Variants in CYSLTR2 observed in about 807,000 individuals in gnomAD.
The protein encoded by CYSLTR2 is G-protein coupled receptor GPCR21.
For synonymous variants in CYSLTR2, 179 were observed against 160.8 expected, an observed-to-expected ratio of 1.11 and a Z score of -0.86; for missense variants, 398 against 411.9, an observed-to-expected ratio of 0.97 and a Z score of 0.29.
At chr13:48,696,877 C>G (rs1057340216) in intron 4 of CYSLTR2, among the ~76,000 whole-genome samples, 2 of 151,824 alleles carry the variant, frequency 1.3e-5, no homozygotes, top group South Asian at 4.1e-4. Flanking sequence ...ACGCCCGGCT[C>G]GGAGGGTCCC....
At chr13:48,677,313 G>A (rs1281617891) in intron 1 of CYSLTR2, among the ~76,000 whole-genome samples, 1 of 152,158 alleles carries the variant, frequency 6.6e-6, no homozygotes, top group Non-Finnish European at 1.5e-5. Context: ...AAGGCATATT[G>A]CTGTAGATTA....
chr13:48,662,625 TTCATA>T (rs1295200199), intron 1 of CYSLTR2, among the ~76,000 whole-genome samples: 1 of 152,212 alleles, frequency 6.6e-6, no homozygotes, highest in Non-Finnish European at 1.5e-5. Context: ...TGAACATTTT[TTCATA>T]TACCTGTTGA....
intron 1 of CYSLTR2, among the ~76,000 whole-genome samples, chr13:48,683,508 T>G (rs1459427600): frequency 6.6e-6 from 1 of 152,210 alleles, no homozygotes; most frequent in Non-Finnish European, 1.5e-5. Context: ...TTTCATATGT[T>G]TATTGGCCAC....
rs1566109275 is a variant in CYSLTR2, at chr13:48,707,021, G to T, written c.204G>T (p.Lys68Asn). 3.7e-6 allele frequency: 6 copies of T among 1,614,022 alleles called. No homozygotes were observed. The highest frequency in any genetic ancestry group is 4.2e-6 in the Non-Finnish European group (5 of 1,180,036). Residue 68 changes from lysine to asparagine, a missense_variant, in exon 5 of 5, where the codon AAG (lysine) becomes AAT (asparagine). Lys to Asn is a moderately conservative substitution (Grantham distance 94, BLOSUM62 0). Coordinates refer to ENST00000682523, the MANE Select transcript of CYSLTR2 (RefSeq NM_001308476.3). ...TATATGTTTTCCTGCAGCCTTATAAGAAGTCCACATCTGTGAACGTTTTCA... is the reference window on the plus strand; with the variant it reads ...TATATGTTTTCCTGCAGCCTTATAATAAGTCCACATCTGTGAACGTTTTCA... ...LSIYVFLQPY[K>N]KSTSVNVFML...
Position 48,707,585 on chromosome 13 carries a change from C to A in CYSLTR2, c.768C>A (p.Phe256Leu). ...LTTIIITLII[F>L]FLCFLPYHTL... ...CCATCATCATCACCTTGATCATCTT[C>A]TTCTTGTGTTTCCTGCCCTATCACA... Residue 256 changes from phenylalanine (F) to leucine (L), a missense_variant, in exon 5 of 5, where the codon TTC (phenylalanine) becomes TTA (leucine). By Grantham distance (22) the Phe-to-Leu change is conservative. Coordinates refer to ENST00000682523, the MANE Select transcript of CYSLTR2 (RefSeq NM_001308476.3). 1 of 1,610,020 alleles carries A rather than the reference C, an allele frequency of 6.2e-7. No individual in the cohort carries two copies. The highest frequency in any genetic ancestry group is 1.6e-4 in the Middle Eastern group (1 of 6,062).
intron 1 of CYSLTR2, among the ~76,000 whole-genome samples, chr13:48,663,395 T>C (rs1222276953): frequency 6.6e-6 from 1 of 152,184 alleles, no homozygotes; most frequent in Non-Finnish European, 1.5e-5. Flanking sequence ...GGTATTTTGA[T>C]AGGAATTGCA....
intron 1 of CYSLTR2, among the ~76,000 whole-genome samples, chr13:48,675,914 C>T (rs1192084227): frequency 6.6e-6 from 1 of 152,312 alleles, no homozygotes; most frequent in East Asian, 1.9e-4. Flanking sequence ...GTTCCTCAAC[C>T]CCTTGCACTT....
Position 48,710,519 on chromosome 13 carries a change from TA to T in CYSLTR2, c.*2664del, listed in dbSNP as rs1444716909. The T allele has an allele frequency of 1.3e-5, 2 of 152,166 alleles. No homozygotes were observed. Among genetic ancestry groups the T allele is most frequent in the African/African-American group, 4.8e-5 (2 of 41,438 alleles). 9.4% of individuals were successfully genotyped at this position (152,166 alleles called of 1,614,324 possible). A position where few individuals can be genotyped will look rare whatever the true frequency, so the allele number is the denominator to read the frequency against. ...AATAAGATACACCAAAGAGAAGCTG[TA>T]AAGTGCTTCCTCTAACAGAAAATGT... On this transcript the variant is annotated 3_prime_UTR_variant, in exon 5 of 5. Coordinates refer to ENST00000682523, the MANE Select transcript of CYSLTR2 (RefSeq NM_001308476.3).
intron 1 of CYSLTR2, among the ~76,000 whole-genome samples, chr13:48,670,173 A>T (rs1953384819): frequency 2.0e-5 from 3 of 152,152 alleles, no homozygotes; most frequent in African/African-American, 7.2e-5. Flanking sequence ...GATTCTGGAT[A>T]TTAGCCCTTT....
At chr13:48,701,070 A>G (rs921876771) in intron 4 of CYSLTR2, among the ~76,000 whole-genome samples, 1 of 152,236 alleles carries the variant, frequency 6.6e-6, no homozygotes, top group Non-Finnish European at 1.5e-5. Context: ...AAGGTAATTT[A>G]TAGATCAATG....
At position 48,658,100 on chromosome 13, in the gene CYSLTR2, A is replaced by G. The variant is rs116487681; in HGVS notation, c.-266+4083A>G. The stretch of plus-strand genomic sequence containing the variant: ...ATGAAGGTGACTCCCTTTTAGTTGT[A>G]AGAGGCACAAATCCCTATTGGGAAC... On this transcript the variant is annotated intron_variant, in intron 1 of 4. Coordinates refer to ENST00000682523, the MANE Select transcript of CYSLTR2 (RefSeq NM_001308476.3). 5.8e-3 allele frequency among the ~76,000 whole-genome samples: 880 copies of G among 152,226 alleles called. 8 individuals are homozygous for G. The highest frequency in any genetic ancestry group is 0.02 in the African/African-American group (827 of 41,540).
intron 1 of CYSLTR2, among the ~76,000 whole-genome samples, chr13:48,676,600 A>T (rs1593965556): frequency 6.6e-6 from 1 of 152,344 alleles, no homozygotes; most frequent in South Asian, 2.1e-4. Flanking sequence ...AGAAGAGAAA[A>T]GAATTAAAGA....
chr13:48,707,156 T>A lies in CYSLTR2; in HGVS notation c.339T>A (p.Ile113=). 1 of 1,614,226 alleles carries A rather than the reference T, an allele frequency of 6.2e-7. No individual in the cohort carries two copies. The highest frequency in any genetic ancestry group is 8.5e-7 in the Non-Finnish European group (1 of 1,180,036). The change falls in exon 5 of 5, where the codon ATT becomes ATA. Residue 113 remains isoleucine (I), a synonymous_variant. Transcript: ENST00000682523. ...NWIFGDLACR[I]MSYSLYVNMY... ...TATTTGGAGACCTGGCCTGCAGGAT[T>A]ATGTCTTATTCCTTGTATGTCAACA...
At chr13:48,691,624 G>T (rs867506358) in intron 2 of CYSLTR2, among the ~76,000 whole-genome samples, 8 of 151,988 alleles carry the variant, frequency 5.3e-5, no homozygotes, top group South Asian at 2.1e-4. Context: ...TAGATTTTTT[G>T]ATGAGTCCCA....
intron 1 of CYSLTR2, among the ~76,000 whole-genome samples, chr13:48,681,911 A>G (rs1953765885): frequency 6.6e-6 from 1 of 152,174 alleles, no homozygotes; most frequent in Non-Finnish European, 1.5e-5. Flanking sequence ...TTAAACTGTA[A>G]GCTTTCCCTA....
At chr13:48,688,248 G>T (rs1197391843) in intron 1 of CYSLTR2, among the ~76,000 whole-genome samples, 1 of 152,066 alleles carries the variant, frequency 6.6e-6, no homozygotes, top group Admixed American at 6.5e-5. Context: ...GGTTCTTGTA[G>T]TGTCAAGATA....
intron 1 of CYSLTR2, among the ~76,000 whole-genome samples, chr13:48,680,187 C>T (rs1233579280): frequency 6.6e-6 from 1 of 152,188 alleles, no homozygotes; most frequent in Non-Finnish European, 1.5e-5. Context: ...TCTTCAGACT[C>T]TGCGGGCAGG....
chr13:48,707,942 C>A lies in CYSLTR2; in HGVS notation c.*84C>A. 1 of 1,117,606 alleles carries A rather than the reference C, an allele frequency of 8.9e-7. No individual in the cohort carries two copies. Among genetic ancestry groups the A allele is most frequent in the Non-Finnish European group, 1.2e-6 (1 of 813,750 alleles). 69.2% of individuals were successfully genotyped at this position (1,117,606 alleles called of 1,614,324 possible). On this transcript the variant is annotated 3_prime_UTR_variant, in exon 5 of 5. Transcript: ENST00000682523. ...TCTCCAAATGACTTTGTATTTACAT[C>A]ACTCCCAACAAATGTTGATTCTTAA...
chr13:48,673,629 G>T (rs1044198933), intron 1 of CYSLTR2, among the ~76,000 whole-genome samples: 1 of 151,922 alleles, frequency 6.6e-6, no homozygotes, highest in African/African-American at 2.4e-5. Context: ...TACATTTAAG[G>T]TTAATATTGT....
Sources: allele counts gnomAD v4.1 joint callset (sites outside exome capture counted in the v4.1 genomes callset), GRCh38; gene constraint gnomAD v4.1.1; transcripts MANE v1.5; gene names NCBI Gene and HGNC (gene_info 2026-07-23, HGNC 2026-07-21).